Variants in CNTNAP2 observed in about 807,000 individuals in gnomAD.
CNTNAP2 encodes contactin-associated protein-like 2.
CNTNAP2 carries 98 observed loss-of-function variants against 155.2 expected under a neutral mutation model. The observed-to-expected ratio is 0.63, with a 90% CI of 0.54 to 0.75. CNTNAP2 has a LOEUF of 0.75. CNTNAP2 is among the 30% of genes least tolerant of loss of function. The probability of loss-of-function intolerance (pLI) is 0.00; values close to 1 mark genes in which losing one functional copy is unlikely to be tolerated. For synonymous variants in CNTNAP2, 651 were observed against 631.2 expected (o/e 1.03, Z -0.47); for missense variants, 1,727 against 1,688.1 (o/e 1.02, Z -0.40).
intron 8 of CNTNAP2, among the ~76,000 whole-genome samples, chr7:147,250,548 C>T (rs1034359077): frequency 2.0e-5 from 3 of 151,792 alleles, no homozygotes; most frequent in South Asian, 4.2e-4. Flanking sequence ...CCCCACCCCC[C>T]CATCTGACAG....
At chr7:148,066,316 T>C (rs575761646) in intron 15 of CNTNAP2, among the ~76,000 whole-genome samples, 98 of 152,300 alleles carry the variant, frequency 6.4e-4, no homozygotes, top group African/African-American at 2.2e-3. Context: ...TTCTTGTATT[T>C]GGATGTCTAG....
At chr7:147,702,557 G>A (rs1796251847) in intron 13 of CNTNAP2, among the ~76,000 whole-genome samples, 3 of 151,938 alleles carry the variant, frequency 2.0e-5, no homozygotes, top group Admixed American at 1.3e-4. Flanking sequence ...CAGAATGCGA[G>A]TTCTGTAACC....
intron 13 of CNTNAP2, among the ~76,000 whole-genome samples, chr7:147,716,667 C>T (rs1039378459): frequency 1.3e-5 from 2 of 152,114 alleles, no homozygotes; most frequent in Non-Finnish European, 2.9e-5. Flanking sequence ...GTGCAAGCTT[C>T]CAGCTTCCTT....
In CNTNAP2 at chr7:147,527,015, C is replaced by CTTTTTTTT. The variant is rs888976222; in HGVS notation, c.1778-35103_1778-35096dup. ...CATGAATTATGGAAGACAGGCATTT[C>CTTTTTTTT]TTTTTTTTTTTTTTTTTTTTTTTTT... is the stretch of plus-strand genomic sequence containing the variant. On this transcript the variant is annotated intron_variant, in intron 11 of 23. Transcript: ENST00000361727. Among the ~76,000 whole-genome samples the CTTTTTTTT allele has an allele frequency of 2.8e-4, 18 of 65,168 alleles. 2 individuals carry two copies. Among genetic ancestry groups the CTTTTTTTT allele is most frequent in the African/African-American group, 1.0e-3 (13 of 12,768 alleles). 42.8% of individuals were successfully genotyped at this position (65,168 alleles called of 152,430 possible).
intron 13 of CNTNAP2, among the ~76,000 whole-genome samples, chr7:147,737,876 T>A (rs1483886516): frequency 6.6e-6 from 1 of 152,148 alleles, no homozygotes; most frequent in Non-Finnish European, 1.5e-5. Flanking sequence ...AAAAGTACAA[T>A]ATTAGGGTGG....
At chr7:147,487,934 T>C (rs565519741) in intron 11 of CNTNAP2, among the ~76,000 whole-genome samples, 1 of 152,314 alleles carries the variant, frequency 6.6e-6, no homozygotes, top group East Asian at 1.9e-4. Context: ...TTTTTAATAA[T>C]AAAAGCCTGA....
chr7:147,495,394 A>G (rs936722636), intron 11 of CNTNAP2, among the ~76,000 whole-genome samples: 1 of 152,222 alleles, frequency 6.6e-6, no homozygotes, highest in Non-Finnish European at 1.5e-5. Context: ...GGAAGAATTT[A>G]TGCTAGGGAA....
rs539584519 is a variant in CNTNAP2 at position 147,425,348 on chromosome 7, A to G, written c.1670+29568A>G. ...TAGAGAGGATTTAAGTTGTATTTGC[A>G]ATATTACCATGGTGCTTTACTTACA... On this transcript the variant is annotated intron_variant, in intron 10 of 23. Coordinates refer to ENST00000361727, the MANE Select transcript of CNTNAP2 (RefSeq NM_014141.6). Among the ~76,000 whole-genome samples, 20 of 152,142 alleles carry G rather than the reference A, an allele frequency of 1.3e-4. No homozygotes were observed. The South Asian group carries it at 4.1e-3, about 32-fold the overall frequency.
intron 14 of CNTNAP2, among the ~76,000 whole-genome samples, chr7:147,948,586 C>A (rs1800860662): frequency 6.7e-6 from 1 of 149,238 alleles, no homozygotes; most frequent in Admixed American, 6.7e-5. Context: ...ACCTTGTTTT[C>A]ATACACACAA....
intron 3 of CNTNAP2, among the ~76,000 whole-genome samples, chr7:146,925,482 G>T (rs571831681): frequency 1.3e-5 from 2 of 152,032 alleles, no homozygotes; most frequent in South Asian, 2.1e-4. Flanking sequence ...ATGATCTATT[G>T]TTATGAATTT....
chr7:146,752,734 G>A (rs1002802431), intron 1 of CNTNAP2, among the ~76,000 whole-genome samples: 5 of 152,136 alleles, frequency 3.3e-5, no homozygotes, highest in Admixed American at 3.3e-4. Context: ...TTTTCTTCCA[G>A]AGTTTTTATA....
chr7:147,448,638 A>G (rs1797781866), intron 10 of CNTNAP2, among the ~76,000 whole-genome samples: 1 of 151,948 alleles, frequency 6.6e-6, no homozygotes. Context: ...AAGTGTTCTA[A>G]TAATAGAGGA....
At chr7:147,795,048 TG>T (rs999863924) in intron 13 of CNTNAP2, among the ~76,000 whole-genome samples, 1 of 152,004 alleles carries the variant, frequency 6.6e-6, no homozygotes, top group African/African-American at 2.4e-5. Context: ...GTTTTGATTA[TG>T]TTAACTATCT....
At chr7:147,620,794 G>A (rs1472268372) in intron 12 of CNTNAP2, among the ~76,000 whole-genome samples, 1 of 152,016 alleles carries the variant, frequency 6.6e-6, no homozygotes, top group Non-Finnish European at 1.5e-5. Flanking sequence ...GCCATAAAGA[G>A]GAGGTAGAAA....
chr7:146,292,622 A>C (rs917700240), intron 1 of CNTNAP2, among the ~76,000 whole-genome samples: 27 of 152,326 alleles, frequency 1.8e-4, no homozygotes, highest in African/African-American at 6.5e-4. Flanking sequence ...CAATCCCATT[A>C]CTGGGTATAC....
chr7:147,888,860 T>C (rs894706286), intron 13 of CNTNAP2, among the ~76,000 whole-genome samples: 1 of 151,564 alleles, frequency 6.6e-6, no homozygotes, highest in Non-Finnish European at 1.5e-5. Context: ...AAAGATCTCA[T>C]AAGAATAGTC....
chr7:148,347,582 C>A (rs1018755214), intron 21 of CNTNAP2, among the ~76,000 whole-genome samples: 1 of 152,144 alleles, frequency 6.6e-6, no homozygotes, highest in Non-Finnish European at 1.5e-5. Context: ...ATAAATTAGG[C>A]CTTTCAGAGC....
rs189656737 is a variant in CNTNAP2 at position 146,399,034 on chromosome 7, G to C, written c.97+282061G>C. On this transcript the variant is annotated intron_variant, in intron 1 of 23. Coordinates refer to ENST00000361727, the MANE Select transcript of CNTNAP2 (RefSeq NM_014141.6). ...GTTTGCTGAGTTATTTTTTATAACA[G>C]AATACATTTTCTTTTTCCTTTCTTT... 5.3e-3 allele frequency among the ~76,000 whole-genome samples: 799 copies of C among 151,790 alleles called. 8 individuals carry two copies. The highest frequency in any genetic ancestry group is 0.018 in the African/African-American group (745 of 41,362).
intron 1 of CNTNAP2, among the ~76,000 whole-genome samples, chr7:146,167,483 A>G (rs1191531247): frequency 1.3e-5 from 2 of 152,184 alleles, no homozygotes; most frequent in Non-Finnish European, 2.9e-5. Flanking sequence ...GAGAAATATT[A>G]TAGGATTGAT....
Sources: allele counts gnomAD v4.1 joint callset (sites outside exome capture counted in the v4.1 genomes callset), GRCh38; gene constraint gnomAD v4.1.1; transcripts MANE v1.5; gene names NCBI Gene and HGNC (gene_info 2026-07-23, HGNC 2026-07-21).